Variants in HECW2 observed in about 807,000 individuals in gnomAD.
The protein encoded by HECW2 is HECT, C2 and WW domain containing E3 ubiquitin protein ligase 2.
HECW2 carries 61 observed loss-of-function variants against 175.2 expected under a neutral mutation model. The observed-to-expected ratio is 0.35, with a 90% CI of 0.28 to 0.43. HECW2 has a LOEUF of 0.43. Among genes scored for constraint, HECW2 ranks in the 20% least tolerant of loss-of-function variants. The pLI, the probability that HECW2 is intolerant of heterozygous loss-of-function variation, is 1.00. For missense variants in HECW2, 1,524 were observed against 2,000.5 expected, an observed-to-expected ratio of 0.76 and a Z score of 4.54; for synonymous variants, 671 against 731.0, an observed-to-expected ratio of 0.92 and a Z score of 1.32.
intron 6 of HECW2, among the ~76,000 whole-genome samples, chr2:196,323,612 C>T (rs1168744005): frequency 3.3e-5 from 5 of 152,114 alleles, no homozygotes; most frequent in African/African-American, 7.2e-5. Flanking sequence ...ATAAAAAAGC[C>T]GAGTTTAATC....
intron 1 of HECW2, among the ~76,000 whole-genome samples, chr2:196,465,249 T>G (rs1277419342): frequency 6.6e-6 from 1 of 152,170 alleles, no homozygotes; most frequent in Non-Finnish European, 1.5e-5. Context: ...AAGGGGCTGA[T>G]TTGCTATTGC....
At chr2:196,227,833 T>A (rs1221385173) in intron 22 of HECW2, among the ~76,000 whole-genome samples, 5 of 152,186 alleles carry the variant, frequency 3.3e-5, no homozygotes, top group Admixed American at 6.5e-5. Context: ...TTTCTTGCAA[T>A]GGGAAATACC....
intron 21 of HECW2, among the ~76,000 whole-genome samples, chr2:196,234,800 T>TG (rs1688182305): frequency 6.6e-6 from 1 of 152,176 alleles, no homozygotes; most frequent in Non-Finnish European, 1.5e-5. Context: ...AGGCAACCCC[T>TG]GCGTGCAATT....
At chr2:196,453,971 G>T (rs1340655367) in intron 1 of HECW2, among the ~76,000 whole-genome samples, 1 of 152,058 alleles carries the variant, frequency 6.6e-6, no homozygotes, top group African/African-American at 2.4e-5. Flanking sequence ...AATAAGAGTT[G>T]GGGGAACAGA....
intron 3 of HECW2, among the ~76,000 whole-genome samples, chr2:196,334,754 A>AAAATAG (rs1224736580): frequency 1.3e-5 from 2 of 152,216 alleles, no homozygotes; most frequent in African/African-American, 4.8e-5. Flanking sequence ...ACAACATGCC[A>AAAATAG]AAATAGAAAT....
At chr2:196,426,850 A>G (rs1348692447) in intron 2 of HECW2, among the ~76,000 whole-genome samples, 1 of 152,218 alleles carries the variant, frequency 6.6e-6, no homozygotes, top group African/African-American at 2.4e-5. Flanking sequence ...GCTCTAAGAT[A>G]CATGATGATA....
At chr2:196,317,655 G>T (rs1691750800) in intron 9 of HECW2, among the ~76,000 whole-genome samples, 1 of 151,362 alleles carries the variant, frequency 6.6e-6, no homozygotes, top group East Asian at 1.9e-4. Context: ...AATGCTTTAG[G>T]GTCACATGGT....
rs116019532 is a variant in HECW2, at chr2:196,324,715, A to T, written c.741+265T>A. On this transcript the variant is annotated intron_variant, in intron 6 of 28. Coordinates refer to ENST00000644978, the MANE Select transcript of HECW2 (RefSeq NM_001348768.2). Reference sequence around the variant, plus strand: ...GAATTTTTTGCATTAATTGTGAGTTAAAAAAAACTGCATTAAGACCTTTAT... The same window carrying T: ...GAATTTTTTGCATTAATTGTGAGTTTAAAAAAACTGCATTAAGACCTTTAT... Among the ~76,000 whole-genome samples the T allele has an allele frequency of 1.5e-3, 227 of 152,088 alleles. 1 individual carries two copies. Among genetic ancestry groups the T allele is most frequent in the African/African-American group, 5.2e-3 (215 of 41,502 alleles).
intron 19 of HECW2, among the ~76,000 whole-genome samples, chr2:196,248,391 T>C (rs1299394950): frequency 6.6e-6 from 1 of 152,196 alleles, no homozygotes; most frequent in East Asian, 1.9e-4. Context: ...GGCTTTCTTT[T>C]GGTCTCTGGG....
intron 1 of HECW2, among the ~76,000 whole-genome samples, chr2:196,498,765 T>C (rs1687480267): frequency 6.6e-6 from 1 of 152,214 alleles, no homozygotes; most frequent in Admixed American, 6.5e-5. Flanking sequence ...CTTGCCTTTT[T>C]TGTAACTGCT....
At chr2:196,215,019 A>G (rs1367013161) in intron 28 of HECW2, among the ~76,000 whole-genome samples, 2 of 152,206 alleles carry the variant, frequency 1.3e-5, no homozygotes, top group Non-Finnish European at 2.9e-5. Flanking sequence ...TAGTTGTATT[A>G]TTAGTAAAGT....
At chr2:196,293,610 A>G (rs937802989) in intron 13 of HECW2, among the ~76,000 whole-genome samples, 1 of 152,208 alleles carries the variant, frequency 6.6e-6, no homozygotes, top group South Asian at 2.1e-4. Flanking sequence ...CTAATTTACT[A>G]AAGAACAAAC....
At chr2:196,447,208 A>G (rs1335664858) in intron 1 of HECW2, among the ~76,000 whole-genome samples, 1 of 152,090 alleles carries the variant, frequency 6.6e-6, no homozygotes, top group East Asian at 1.9e-4. Flanking sequence ...GTATTTTCCA[A>G]TTGTTTTTTT....
At chr2:196,451,431 C>CAAAAAAAAAAAAAA (rs1383013336) in intron 1 of HECW2, among the ~76,000 whole-genome samples, 1 of 65,924 alleles carries the variant, frequency 1.5e-5, no homozygotes. Context: ...GACTCCGTCT[C>CAAAAAAAAAAAAAA]AAAAAAAAAA....
chr2:196,337,315 A>ATT (rs36056934), intron 3 of HECW2, among the ~76,000 whole-genome samples: 7,155 of 145,324 alleles, frequency 0.049, 229 homozygotes, highest in African/African-American at 0.065. Flanking sequence ...CAAGAGGAGC[A>ATT]TTTTTTTTTT....
At chr2:196,415,961 C>T (rs188611769) in intron 2 of HECW2, among the ~76,000 whole-genome samples, 459 of 152,250 alleles carry the variant, frequency 3.0e-3, no homozygotes, top group African/African-American at 0.01. Context: ...GGTTTTACTA[C>T]ATAGTAGGGA....
intron 17 of HECW2, 120 bp from the exon 18 acceptor site, chr2:196,258,026 A>G: frequency 1.5e-6 from 1 of 665,276 alleles, no homozygotes; most frequent in African/African-American, 1.8e-5. Context: ...TGTGGCAGCT[A>G]CTGTGTAATA....
At chr2:196,561,001 T>C (rs1443011491) in intron 1 of HECW2, among the ~76,000 whole-genome samples, 9 of 152,122 alleles carry the variant, frequency 5.9e-5, no homozygotes, top group African/African-American at 9.7e-5. Context: ...GAAAAAAGAA[T>C]AGGATAACAG....
At chr2:196,291,972 G>C (rs186320404) in intron 14 of HECW2, 2 of 152,272 alleles carry the variant, frequency 1.3e-5, no homozygotes, top group Admixed American at 1.3e-4. Context: ...CAGGCTTTCT[G>C]GTTCATCCAC....
Sources: allele counts gnomAD v4.1 joint callset (sites outside exome capture counted in the v4.1 genomes callset), GRCh38; gene constraint gnomAD v4.1.1; transcripts MANE v1.5; gene names NCBI Gene and HGNC (gene_info 2026-07-23, HGNC 2026-07-21).